Variants in SAMD5 observed in about 807,000 individuals in gnomAD.
The protein encoded by SAMD5 is sterile alpha motif domain-containing protein 5.
In SAMD5, 13 loss-of-function variants were observed where a neutral mutation model predicts 11.3. The observed-to-expected ratio is 1.15, with a 90% CI of 0.75 to 1.83. The LOEUF (loss-of-function observed/expected upper bound fraction) is 1.83. SAMD5 is among the 40% of genes most tolerant of loss of function. The pLI is 0.00. For synonymous variants in SAMD5, 129 were observed against 111.3 expected (o/e 1.16, Z -1.00); for missense variants, 255 against 239.1 (o/e 1.07, Z -0.44).
At chr6:147,727,678 T>TC (rs201506081) in intron 1 of SAMD5, among the ~76,000 whole-genome samples, 37 of 151,922 alleles carry the variant, frequency 2.4e-4, no homozygotes, top group African/African-American at 8.0e-4. Flanking sequence ...TTTTTTTTTT[T>TC]CCCCAGATTG....
chr6:147,667,496 G>A (rs1010397300), intron 1 of SAMD5, among the ~76,000 whole-genome samples: 22 of 152,144 alleles, frequency 1.4e-4, no homozygotes, highest in Admixed American at 1.1e-3. Flanking sequence ...CCAAGAAAAA[G>A]CCAAGGGCAG....
intron 1 of SAMD5, among the ~76,000 whole-genome samples, chr6:147,710,063 G>C (rs1332937562): frequency 2.0e-5 from 3 of 152,134 alleles, no homozygotes; most frequent in African/African-American, 7.2e-5. Context: ...TGTGCCTGTT[G>C]TCAGTCAGTC....
At chr6:147,571,478 G>T (rs540052996), downstream of SAMD5, among the ~76,000 whole-genome samples, 8 of 151,666 alleles carry the variant, frequency 5.3e-5, no homozygotes, top group South Asian at 1.7e-3. Context: ...TACTCTACCC[G>T]CACCCCGCCC....
the SAMD5 span, among the ~76,000 whole-genome samples, chr6:147,891,811 G>T: frequency 1.3e-5 from 2 of 152,142 alleles, no homozygotes; most frequent in East Asian, 3.9e-4. Flanking sequence ...CTAGAGCTTG[G>T]CAGGAAAGCA....
At chr6:147,704,187 G>A (rs145913209) in intron 1 of SAMD5, among the ~76,000 whole-genome samples, 80 of 152,158 alleles carry the variant, frequency 5.3e-4, no homozygotes, top group African/African-American at 1.7e-3. Context: ...GAGCCACTGC[G>A]CCTGGCCATT....
intron 1 of SAMD5, among the ~76,000 whole-genome samples, chr6:147,610,086 T>A (rs1412893458): frequency 6.6e-6 from 1 of 152,170 alleles, no homozygotes; most frequent in East Asian, 1.9e-4. Flanking sequence ...ACAATGAACA[T>A]AATTTTCTCA....
intron 1 of SAMD5, among the ~76,000 whole-genome samples, chr6:147,717,158 A>G (rs1791480243): frequency 6.6e-6 from 1 of 152,214 alleles, no homozygotes; most frequent in African/African-American, 2.4e-5. Flanking sequence ...CTCATAGCCT[A>G]TACAGTACCT....
chr6:147,564,375 GA>G lies in SAMD5; in HGVS notation c.460-18del, dbSNP rs755403182. The G allele has an allele frequency of 1.3e-6, 1 of 780,514 alleles. No individual in the cohort carries two copies. Among genetic ancestry groups the G allele is most frequent in the Non-Finnish European group, 2.4e-6 (1 of 417,886 alleles). The allele number at this position is 780,514 out of a possible 1,614,324, so 48.3% of individuals were successfully genotyped here. On this transcript the variant is annotated intron_variant, in intron 1 of 1. Transcript: ENST00000367474. ...GGTAAAGGAGAACTTCAATAACCCA[GA>G]TATGTTCAAATCCACAGGTCCCAAT...
rs535031795 is a variant in SAMD5 at position 147,622,864 on chromosome 6, A to G, written c.162+113477A>G. On this transcript the variant is annotated intron_variant, in intron 1 of 1. Coordinates refer to the SAMD5 transcript ENST00000566741. ...GGCCTCACAATCATGGCGGAAGGTGAAAGGCACATCTTACGTGGTGGCAGG... is the reference window on the plus strand; with the variant it reads ...GGCCTCACAATCATGGCGGAAGGTGGAAGGCACATCTTACGTGGTGGCAGG... Among the ~76,000 whole-genome samples, 23 of 152,314 alleles carry G rather than the reference A, an allele frequency of 1.5e-4. No individual in the cohort carries two copies. In the South Asian group the frequency reaches 4.6e-3, roughly 30 times the overall value.
chr6:147,802,210 CA>C, the SAMD5 span, among the ~76,000 whole-genome samples: 1 of 151,922 alleles, frequency 6.6e-6, no homozygotes, highest in South Asian at 2.1e-4. Context: ...TGTACTTGTA[CA>C]AAGACAAAAT....
chr6:147,673,300 G>T (rs373257342), intron 1 of SAMD5, among the ~76,000 whole-genome samples: 1 of 151,490 alleles, frequency 6.6e-6, no homozygotes, highest in Non-Finnish European at 1.5e-5. Context: ...TGCAAGCTCC[G>T]CCTCCTGGGT....
chr6:147,612,063 T>C (rs1789796469), intron 1 of SAMD5, among the ~76,000 whole-genome samples: 1 of 152,206 alleles, frequency 6.6e-6, no homozygotes, highest in South Asian at 2.1e-4. Flanking sequence ...TGTTTATCTA[T>C]CATCGTGTGT....
chr6:147,519,039 C>A (rs1176016278), intron 1 of SAMD5, among the ~76,000 whole-genome samples: 1 of 152,180 alleles, frequency 6.6e-6, no homozygotes, highest in Non-Finnish European at 1.5e-5. Context: ...TGGTCTGATG[C>A]TCTCTAAAAT....
intron 1 of SAMD5, among the ~76,000 whole-genome samples, chr6:147,637,210 AGAG>A (rs1790242952): frequency 6.6e-6 from 1 of 152,164 alleles, no homozygotes; most frequent in African/African-American, 2.4e-5. Context: ...TGAACAAAGA[AGAG>A]ATCCCAGGCC....
At chr6:147,576,855 A>G (rs1789224920) in intron 1 of SAMD5, among the ~76,000 whole-genome samples, 1 of 152,248 alleles carries the variant, frequency 6.6e-6, no homozygotes, top group Non-Finnish European at 1.5e-5. Flanking sequence ...TAATTTTATT[A>G]CACTGGTTTT....
At chr6:147,533,940 C>T (rs904111274) in intron 1 of SAMD5, among the ~76,000 whole-genome samples, 1 of 152,226 alleles carries the variant, frequency 6.6e-6, no homozygotes, top group African/African-American at 2.4e-5. Context: ...CTATTCACAA[C>T]AATGTCTAGA....
At chr6:147,762,585 T>A in the SAMD5 span, among the ~76,000 whole-genome samples, 5 of 152,278 alleles carry the variant, frequency 3.3e-5, no homozygotes, top group Admixed American at 1.3e-4. Context: ...AAAGTAAATT[T>A]AAAAAACTTA....
chr6:147,785,128 C>A, the SAMD5 span, among the ~76,000 whole-genome samples: 3 of 152,088 alleles, frequency 2.0e-5, no homozygotes, highest in Non-Finnish European at 4.4e-5. Context: ...TCATTCCTTC[C>A]ACCCAAATAT....
At chr6:147,618,835 G>C (rs1284879112) in intron 1 of SAMD5, among the ~76,000 whole-genome samples, 2 of 152,186 alleles carry the variant, frequency 1.3e-5, no homozygotes, top group African/African-American at 4.8e-5. Flanking sequence ...TTTCTACTTA[G>C]GAGATTCATC....
Sources: gnomAD v4.1 joint callset for allele counts (sites outside exome capture counted in the v4.1 genomes callset) on GRCh38, gnomAD v4.1.1 for gene constraint, MANE v1.5 for transcripts, NCBI Gene and HGNC (gene_info 2026-07-23, HGNC 2026-07-21) for gene names.